Variants in TMEM67 observed in about 807,000 individuals in gnomAD.
The protein encoded by TMEM67 is meckelin.
Under a neutral mutation model 136.6 loss-of-function variants are expected in TMEM67, and 124 were observed. The ratio of observed to expected loss-of-function variants is 0.91; its 90% CI spans 0.78 to 1.05. TMEM67 has a LOEUF of 1.05. Ranked by LOEUF, TMEM67 falls within the 50% of genes least tolerant of loss-of-function variation. The probability of loss-of-function intolerance (pLI) is 0.00; values close to 1 mark genes in which losing one functional copy is unlikely to be tolerated. For synonymous variants in TMEM67, 364 were observed against 390.5 expected, an observed-to-expected ratio of 0.93 and a Z score of 0.80; for missense variants, 1,107 against 1,178.4, an observed-to-expected ratio of 0.94 and a Z score of 0.89.
At chr8:93,827,455 C>T in the TMEM67 span, among the ~76,000 whole-genome samples, 3 of 152,102 alleles carry the variant, frequency 2.0e-5, no homozygotes, top group Non-Finnish European at 2.9e-5. Context: ...AATCATAGCT[C>T]GCTGCAGCTG....
At chr8:93,766,896 G>T (rs1278577502) in intron 6 of TMEM67, among the ~76,000 whole-genome samples, 2 of 152,174 alleles carry the variant, frequency 1.3e-5, no homozygotes, top group East Asian at 3.8e-4. Context: ...TCTGTAACAA[G>T]ATACATGTCT....
At chr8:93,780,823 TAATAAG>T in intron 8 of TMEM67, 45 bp from the exon 9 acceptor site, 1 of 1,589,976 alleles carries the variant, frequency 6.3e-7, no homozygotes, top group African/African-American at 1.3e-5. Context: ...CAAATACTAA[TAATAAG>T]AAATATTTAT....
At chr8:93,779,311 A>G (rs1410036200) in intron 7 of TMEM67, among the ~76,000 whole-genome samples, 1 of 152,120 alleles carries the variant, frequency 6.6e-6, no homozygotes, top group East Asian at 1.9e-4. Context: ...ATCCTCCTTT[A>G]GCTCAGAGAA....
At chr8:93,770,350 T>A (rs1813275557) in intron 6 of TMEM67, among the ~76,000 whole-genome samples, 1 of 152,124 alleles carries the variant, frequency 6.6e-6, no homozygotes, top group South Asian at 2.1e-4. Context: ...GGCATTTTCC[T>A]AGAATCACAC....
At position 93,816,987 on chromosome 8, in the gene TMEM67, C is replaced by G. The variant is rs1255166584; in HGVS notation, c.*535C>G. On this transcript the variant is annotated 3_prime_UTR_variant, in exon 28 of 28. Coordinates refer to ENST00000453321, the MANE Select transcript of TMEM67 (RefSeq NM_153704.6). ...CATTCTAATTGCTCATCCTCTTTGG[C>G]AGTGGATTAATTCACTGTTGGGTTA... The G allele has an allele frequency of 6.6e-6, 1 of 152,640 alleles. No homozygotes were observed. Among genetic ancestry groups the G allele is most frequent in the Non-Finnish European group, 1.5e-5 (1 of 68,358 alleles). 9.5% of individuals were successfully genotyped at this position (152,640 alleles called of 1,614,324 possible).
chr8:93,830,993 C>T, the TMEM67 span, among the ~76,000 whole-genome samples: 3 of 152,206 alleles, frequency 2.0e-5, no homozygotes, highest in African/African-American at 7.2e-5. Context: ...GTGATGATCA[C>T]GGACACTAAC....
chr8:93,785,901 T>A, intron 12 of TMEM67: 1 of 331,118 alleles, frequency 3.0e-6, no homozygotes, highest in Non-Finnish European at 5.7e-6. Flanking sequence ...TAATTAGAAC[T>A]GGTTGCTACA....
intron 6 of TMEM67, among the ~76,000 whole-genome samples, chr8:93,771,344 G>T: frequency 6.7e-6 from 1 of 150,016 alleles, no homozygotes. Context: ...TCTTCTTTTC[G>T]AAGTTCAAGT....
At chr8:93,792,515 C>T (rs1179157748) in intron 15 of TMEM67, among the ~76,000 whole-genome samples, 1 of 152,074 alleles carries the variant, frequency 6.6e-6, no homozygotes, top group East Asian at 1.9e-4. Context: ...ATTTTGCCTG[C>T]AGAAAGTTTC....
At chr8:93,798,455 G>A (rs1028282591) in intron 20 of TMEM67, among the ~76,000 whole-genome samples, 1 of 152,094 alleles carries the variant, frequency 6.6e-6, no homozygotes, top group African/African-American at 2.4e-5. Flanking sequence ...TAAGAGCTGG[G>A]GCTACACTGA....
At chr8:93,814,173 T>C (rs1808809374) in intron 26 of TMEM67, among the ~76,000 whole-genome samples, 2 of 143,780 alleles carry the variant, frequency 1.4e-5, no homozygotes, top group African/African-American at 5.1e-5. Flanking sequence ...GTAGTATTGC[T>C]CTGTTGCCCA....
chr8:93,797,593 G>A (rs1586071388), intron 20 of TMEM67, 123 bp downstream of exon 20: 3 of 972,002 alleles, frequency 3.1e-6, no homozygotes, highest in Non-Finnish European at 1.6e-6. Flanking sequence ...ATATTGTTGT[G>A]AAGCCATTAA....
At chr8:93,767,951 C>T (rs988855188) in intron 6 of TMEM67, among the ~76,000 whole-genome samples, 1 of 151,308 alleles carries the variant, frequency 6.6e-6, no homozygotes, top group African/African-American at 2.4e-5. Context: ...CCGCAACCTC[C>T]ACCTCCCGGG....
intron 6 of TMEM67, among the ~76,000 whole-genome samples, chr8:93,770,183 A>G (rs1813268680): frequency 6.6e-6 from 1 of 152,200 alleles, no homozygotes; most frequent in Admixed American, 6.5e-5. Flanking sequence ...TGGTTTAAAG[A>G]ATTATTAATG....
intron 11 of TMEM67, among the ~76,000 whole-genome samples, chr8:93,783,880 A>G (rs1450436536): frequency 4.6e-5 from 7 of 152,196 alleles, no homozygotes; most frequent in Non-Finnish European, 7.3e-5. Context: ...CTATGATTCA[A>G]TTACCTCCCT....
chr8:93,807,352 G>T (rs1815199854), intron 23 of TMEM67, among the ~76,000 whole-genome samples: 1 of 152,114 alleles, frequency 6.6e-6, no homozygotes, highest in African/African-American at 2.4e-5. Flanking sequence ...GAGGTTATTT[G>T]TAAGGGGAAA....
chr8:93,772,526 T>C (rs544933160), intron 6 of TMEM67, 63 bp from the exon 7 acceptor site: 3 of 1,173,836 alleles, frequency 2.6e-6, no homozygotes, highest in Non-Finnish European at 3.8e-6. Context: ...ACATTTCCCA[T>C]TCAACAATAT....
At chr8:93,784,394 C>T (rs1814000394) in intron 11 of TMEM67, among the ~76,000 whole-genome samples, 1 of 152,184 alleles carries the variant, frequency 6.6e-6, no homozygotes, top group Non-Finnish European at 1.5e-5. Flanking sequence ...AGGTAATTTA[C>T]TCAAAGACTT....
the TMEM67 span, among the ~76,000 whole-genome samples, chr8:93,831,684 G>A: frequency 1.3e-5 from 2 of 150,284 alleles, no homozygotes; most frequent in Admixed American, 6.6e-5. Context: ...GTGTGTGTGT[G>A]CATGTGTGTG....
Sources: allele counts gnomAD v4.1 joint callset (sites outside exome capture counted in the v4.1 genomes callset), GRCh38; gene constraint gnomAD v4.1.1; transcripts MANE v1.5; gene names NCBI Gene and HGNC (gene_info 2026-07-23, HGNC 2026-07-21).